The following RGR variants were observed in gnomAD, a reference collection of about 807,000 sequenced individuals.
RGR encodes RPE-retinal G protein-coupled receptor.
In RGR, 30 loss-of-function variants were observed where a neutral mutation model predicts 28.6. The observed-to-expected ratio is 1.05, with a 90% CI of 0.78 to 1.42. The LOEUF is 1.42. Ranked by LOEUF, RGR falls within the 40% of genes most tolerant of loss-of-function variation. The pLI is 0.00. For synonymous variants in RGR, 180 were observed against 156.4 expected (o/e 1.15, Z -1.13); for missense variants, 404 against 375.6 (o/e 1.08, Z -0.62).
rs974385076 is a variant in RGR at position 84,259,787 on chromosome 10, A to G, written c.*1148A>G. 9 of 152,014 alleles carry G rather than the reference A, an allele frequency of 5.9e-5. No homozygotes were observed. The highest frequency in any genetic ancestry group is 1.2e-4 in the Non-Finnish European group (8 of 68,018). The allele number at this position is 152,014 out of a possible 1,614,324, so 9.4% of individuals were successfully genotyped here. A position where few individuals can be genotyped will look rare whatever the true frequency, so the allele number is the denominator to read the frequency against. ...TATTTGAGTTTCTTATATATTCTGG[A>G]TAATAGTCTGGATAATATATTCTGG... On this transcript the variant is annotated 3_prime_UTR_variant, in exon 7 of 7. Coordinates refer to ENST00000652092, the MANE Select transcript of RGR (RefSeq NM_001012720.2).
chr10:84,251,948 T>G (rs1040840082), intron 3 of RGR, among the ~76,000 whole-genome samples: 4 of 152,182 alleles, frequency 2.6e-5, no homozygotes, highest in African/African-American at 9.7e-5. Flanking sequence ...AGACATGCTC[T>G]TCTCTCCCGA....
chr10:84,246,445 C>T lies in RGR; in HGVS notation c.80-1146C>T, dbSNP rs958768046. Among the ~76,000 whole-genome samples the T allele has an allele frequency of 4.6e-5, 7 of 152,218 alleles. No individual in the cohort carries two copies. In the East Asian group the frequency reaches 1.2e-3, roughly 25 times the overall value. On this transcript the variant is annotated intron_variant, in intron 1 of 6. Transcript: ENST00000652092. ...TCCTCTGAATGCCTTTGCGTACTCA[C>T]GGTTTAGCTCCCACTTGTAACTGAG...
Position 84,247,747 on chromosome 10 carries a change from G to A in RGR, c.236G>A (p.Arg79Gln), listed in dbSNP as rs761554381. ...GTTGCAGCCACATCCAGCCTTCTCC[G>A]GTACCAGCCCCCTCCCCAGTCCACA... ...ALVAATSSLL[R>Q]RWPYGSDGCQ... The change falls in exon 2 of 7, where the codon CGG (arginine) becomes CAG (glutamine). Residue 79 changes from arginine (R) to glutamine (Q), a missense_variant and splice_region_variant. Transcript: ENST00000652092. 4.0e-5 allele frequency: 64 copies of A among 1,613,980 alleles called. No individual in the cohort carries two copies. The highest frequency in any genetic ancestry group is 1.0e-4 in the Admixed American group (6 of 59,994).
intron 6 of RGR, 69 bp from the exon 7 acceptor site, chr10:84,258,439 C>G (rs1232493896): frequency 6.2e-7 from 1 of 1,612,642 alleles, no homozygotes; most frequent in African/African-American, 1.3e-5. Flanking sequence ...TGACCGGGGT[C>G]ACCAGGTGAG....
chr10:84,252,788 T>C, intron 3 of RGR, 69 bp from the exon 4 acceptor site: 1 of 1,586,164 alleles, frequency 6.3e-7, no homozygotes, highest in Non-Finnish European at 8.7e-7. Flanking sequence ...GATCAGGAAG[T>C]CCATTCTTTC....
At chr10:84,253,627 G>C (rs906918871) in intron 4 of RGR, among the ~76,000 whole-genome samples, 1 of 152,196 alleles carries the variant, frequency 6.6e-6, no homozygotes, top group Non-Finnish European at 1.5e-5. Flanking sequence ...GCTTCCACCA[G>C]AGCCAAGTTG....
At position 84,248,324 on chromosome 10, in the gene RGR, T is replaced by C. The variant is rs533000000; in HGVS notation, c.236+577T>C. 20 of 449,924 alleles carry C rather than the reference T, an allele frequency of 4.4e-5. No homozygotes were observed. The East Asian group carries it at 1.5e-3, about 34-fold the overall frequency. The allele number at this position is 449,924 out of a possible 1,614,324, so 27.9% of individuals were successfully genotyped here. On this transcript the variant is annotated intron_variant, in intron 2 of 6. Coordinates refer to ENST00000652092, the MANE Select transcript of RGR (RefSeq NM_001012720.2). ...ATACCTCCTTATACAAAAACCAGGG[T>C]CTTCCATCACAGCTTCAGAAGGTGT...
chr10:84,257,473 G>C (rs1021558175), intron 5 of RGR, among the ~76,000 whole-genome samples: 1 of 152,172 alleles, frequency 6.6e-6, no homozygotes, highest in African/African-American at 2.4e-5. Flanking sequence ...AGTGGCTCAT[G>C]CTTGTAATCC....
chr10:84,255,768 A>C (rs1483565460), intron 5 of RGR, among the ~76,000 whole-genome samples: 1 of 130,286 alleles, frequency 7.7e-6, no homozygotes, highest in Non-Finnish European at 1.6e-5. Context: ...CTTGTTGCCC[A>C]GGCTGGAGCG....
chr10:84,253,306 C>T (rs746027631), intron 4 of RGR, among the ~76,000 whole-genome samples: 2 of 152,150 alleles, frequency 1.3e-5, no homozygotes, highest in Non-Finnish European at 2.9e-5. Flanking sequence ...AGTCACCAAG[C>T]CGCACCACCT....
At chr10:84,253,053 T>C in intron 4 of RGR, 43 bp downstream of exon 4, 1 of 1,603,310 alleles carries the variant, frequency 6.2e-7, no homozygotes, top group Non-Finnish European at 8.5e-7. Context: ...TCCATGGGAA[T>C]CTTGGCTTTG....
chr10:84,250,548 A>ACACACC (rs1277062208), intron 3 of RGR: 13 of 630,596 alleles, frequency 2.1e-5, no homozygotes, highest in Non-Finnish European at 3.5e-5. Flanking sequence ...ACACACACAC[A>ACACACC]CACACACCAC....
At chr10:84,256,505 A>G (rs1263736607) in intron 5 of RGR, among the ~76,000 whole-genome samples, 1 of 151,776 alleles carries the variant, frequency 6.6e-6, no homozygotes, top group East Asian at 1.9e-4. Flanking sequence ...CATGAAAGAA[A>G]CTCTTTTTTT....
At chr10:84,251,248 A>C (rs1333046071) in intron 3 of RGR, among the ~76,000 whole-genome samples, 2 of 152,144 alleles carry the variant, frequency 1.3e-5, no homozygotes, top group Admixed American at 1.3e-4. Context: ...AATTTTTTTA[A>C]AAAAAGACAG....
chr10:84,248,760 G>T, intron 2 of RGR, 162 bp from the exon 3 acceptor site: 1 of 1,311,568 alleles, frequency 7.6e-7, no homozygotes, highest in Non-Finnish European at 1.1e-6. Flanking sequence ...CTTCAGCCCA[G>T]TTACTTGAGC....
rs577145777 is a variant in RGR at position 84,256,182 on chromosome 10, C to A, written c.631-1711C>A. On this transcript the variant is annotated intron_variant, in intron 5 of 6. Coordinates refer to ENST00000652092, the MANE Select transcript of RGR (RefSeq NM_001012720.2). ...CTCTCGGGTTCAAGCGATTCTCCTGCCTCAGCGTCCCTAGTAGCTGGGATT... is the reference window on the plus strand; with the variant it reads ...CTCTCGGGTTCAAGCGATTCTCCTGACTCAGCGTCCCTAGTAGCTGGGATT... Among the ~76,000 whole-genome samples the A allele has an allele frequency of 4.3e-4, 64 of 149,300 alleles. 2 individuals are homozygous for A. The South Asian group carries it at 0.014, about 32-fold the overall frequency.
chr10:84,249,546 C>T (rs1842790093), intron 3 of RGR, among the ~76,000 whole-genome samples: 1 of 152,178 alleles, frequency 6.6e-6, no homozygotes, highest in Non-Finnish European at 1.5e-5. Flanking sequence ...CTCCTGACCT[C>T]GTGATCTACC....
Position 84,247,756 on chromosome 10 carries a change from C to T in RGR, c.236+9C>T. ...ACATCCAGCCTTCTCCGGTACCAGCCCCCTCCCCAGTCCACAGGCTCTGGG... is the reference window on the plus strand; with the variant it reads ...ACATCCAGCCTTCTCCGGTACCAGCTCCCTCCCCAGTCCACAGGCTCTGGG... On this transcript the variant is annotated intron_variant, in intron 2 of 6. Coordinates refer to ENST00000652092, the MANE Select transcript of RGR (RefSeq NM_001012720.2). The T allele has an allele frequency of 6.2e-7, 1 of 1,614,084 alleles. No individual in the cohort carries two copies. Among genetic ancestry groups the T allele is most frequent in the Non-Finnish European group, 8.5e-7 (1 of 1,179,996 alleles).
Position 84,254,461 on chromosome 10 carries a change from G to A in RGR, c.630+18G>A, listed in dbSNP as rs1483797085. 3 of 1,595,412 alleles carry A rather than the reference G, an allele frequency of 1.9e-6. No individual in the cohort carries two copies. Among genetic ancestry groups the A allele is most frequent in the Admixed American group, 3.3e-5 (2 of 59,996 alleles). The stretch of plus-strand genomic sequence containing the variant: ...ATCTCCAGGTAAGGACCCCCTTCCG[G>A]AGTGTTATCTGATGGTGCAGCGCAG... On this transcript the variant is annotated intron_variant, in intron 5 of 6. Transcript: ENST00000652092.
Sources: gnomAD v4.1 joint callset for allele counts (sites outside exome capture counted in the v4.1 genomes callset) on GRCh38, gnomAD v4.1.1 for gene constraint, MANE v1.5 for transcripts, NCBI Gene and HGNC (gene_info 2026-07-23, HGNC 2026-07-21) for gene names.